Variants in NOL4 observed in about 807,000 individuals in gnomAD.
NOL4 encodes the protein nucleolar protein 4.
A neutral mutation model predicts 75.9 loss-of-function variants in NOL4; 17 were observed. The ratio of observed to expected loss-of-function variants is 0.22; its 90% CI spans 0.15 to 0.34. NOL4 has a LOEUF of 0.34. NOL4 is among the 10% of genes least tolerant of loss of function. NOL4 has a pLI of 1.00. For missense variants in NOL4, 614 were observed against 793.5 expected (o/e 0.77, Z 2.72); for synonymous variants, 292 against 289.9 (o/e 1.01, Z -0.07).
At chr18:34,055,803 TC>T (rs200453908) in intron 5 of NOL4, among the ~76,000 whole-genome samples, 1 of 152,244 alleles carries the variant, frequency 6.6e-6, no homozygotes, top group African/African-American at 2.4e-5. Flanking sequence ...TTTTCTTCAT[TC>T]CTTTTTTTTT....
chr18:33,958,139 A>AG, intron 7 of NOL4, 100 bp downstream of exon 7: 5 of 1,131,946 alleles, frequency 4.4e-6, no homozygotes, highest in Non-Finnish European at 6.3e-6. Flanking sequence ...TCTGTAAATT[A>AG]AACAAACATG....
chr18:34,118,094 AATAATTAAT>A (rs2079947689), intron 2 of NOL4, among the ~76,000 whole-genome samples: 1 of 152,236 alleles, frequency 6.6e-6, no homozygotes, highest in South Asian at 2.1e-4. Flanking sequence ...TAGAGCAAAC[AATAATTAAT>A]ATAATCACAC....
intron 5 of NOL4, among the ~76,000 whole-genome samples, chr18:34,039,687 A>G (rs1191317403): frequency 3.3e-5 from 5 of 152,050 alleles, no homozygotes; most frequent in Non-Finnish European, 7.4e-5. Flanking sequence ...CAATGAAAAC[A>G]TCAGCAAAAC....
intron 6 of NOL4, among the ~76,000 whole-genome samples, chr18:34,014,144 T>C (rs957070876): frequency 7.2e-5 from 11 of 152,080 alleles, no homozygotes; most frequent in African/African-American, 2.6e-4. Flanking sequence ...AAATTAAATA[T>C]AGCAAATATT....
At chr18:34,163,042 C>T (rs182681256) in intron 1 of NOL4, among the ~76,000 whole-genome samples, 1 of 149,952 alleles carries the variant, frequency 6.7e-6, no homozygotes, top group South Asian at 2.1e-4. Context: ...ATTCAACAAC[C>T]CTTCATGCTA....
chr18:33,996,662 T>C (rs899089838), intron 6 of NOL4, among the ~76,000 whole-genome samples: 1 of 151,998 alleles, frequency 6.6e-6, no homozygotes, highest in East Asian at 1.9e-4. Flanking sequence ...TGAGAACATA[T>C]GGTCTTCTGT....
intron 5 of NOL4, among the ~76,000 whole-genome samples, chr18:34,055,434 C>T (rs2076795876): frequency 3.9e-5 from 6 of 152,114 alleles, no homozygotes; most frequent in Admixed American, 3.9e-4. Flanking sequence ...TATTATCACA[C>T]TTCCTTTGGC....
At chr18:33,932,195 T>C (rs2067737228) in intron 9 of NOL4, among the ~76,000 whole-genome samples, 1 of 152,104 alleles carries the variant, frequency 6.6e-6, no homozygotes, top group South Asian at 2.1e-4. Context: ...AATGTATTAT[T>C]TACATTAATA....
chr18:34,144,880 C>G (rs908429089), intron 1 of NOL4, among the ~76,000 whole-genome samples: 1 of 152,060 alleles, frequency 6.6e-6, no homozygotes, highest in Non-Finnish European at 1.5e-5. Flanking sequence ...TTGGAATATG[C>G]TTTTTCTGAG....
At chr18:33,967,369 GAA>G (rs1030826677) in intron 6 of NOL4, among the ~76,000 whole-genome samples, 4 of 152,080 alleles carry the variant, frequency 2.6e-5, no homozygotes, top group Non-Finnish European at 4.4e-5. Flanking sequence ...AAAAATTCTA[GAA>G]GACAACCTAG....
At chr18:34,057,904 A>T (rs187261546) in intron 5 of NOL4, among the ~76,000 whole-genome samples, 2 of 152,322 alleles carry the variant, frequency 1.3e-5, no homozygotes, top group Admixed American at 6.5e-5. Flanking sequence ...TCATGGATTT[A>T]AAAAATGCAG....
intron 10 of NOL4, 120 bp from the exon 11 acceptor site, chr18:33,853,155 A>T: frequency 2.4e-6 from 2 of 824,362 alleles, no homozygotes; most frequent in Non-Finnish European, 3.7e-6. Flanking sequence ...GAAGCTAGTG[A>T]TCTCTTTAAT....
chr18:34,188,417 T>C (rs763063641), intron 1 of NOL4, among the ~76,000 whole-genome samples: 1 of 152,214 alleles, frequency 6.6e-6, no homozygotes, highest in African/African-American at 2.4e-5. Context: ...AGTGGGGCTA[T>C]GTCCCAATAA....
At chr18:34,187,503 C>T (rs887644184) in intron 1 of NOL4, among the ~76,000 whole-genome samples, 1 of 151,692 alleles carries the variant, frequency 6.6e-6, no homozygotes, top group Non-Finnish European at 1.5e-5. Context: ...CAGCCTCCCG[C>T]GTAGCTGGGA....
At chr18:34,141,673 A>C (rs1038804487) in intron 1 of NOL4, among the ~76,000 whole-genome samples, 4 of 152,214 alleles carry the variant, frequency 2.6e-5, no homozygotes, top group Admixed American at 1.3e-4. Context: ...ACCTTATACA[A>C]AAATTAATTC....
intron 2 of NOL4, among the ~76,000 whole-genome samples, chr18:34,122,196 C>T (rs771375686): frequency 3.3e-5 from 5 of 151,988 alleles, no homozygotes; most frequent in Non-Finnish European, 7.4e-5. Context: ...AGGACATTCC[C>T]AGGAAAATGA....
chr18:34,126,713 G>A (rs935160504), intron 2 of NOL4, among the ~76,000 whole-genome samples: 2 of 152,072 alleles, frequency 1.3e-5, no homozygotes. Context: ...CAGAATTTGA[G>A]AAAAGTTAAA....
chr18:33,932,498 A>G (rs2067765599), intron 9 of NOL4, among the ~76,000 whole-genome samples: 1 of 152,092 alleles, frequency 6.6e-6, no homozygotes, highest in Non-Finnish European at 1.5e-5. Flanking sequence ...CTGCTGTGTG[A>G]CCCAGTAATT....
intron 8 of NOL4, among the ~76,000 whole-genome samples, chr18:33,953,308 C>A (rs1406962920): frequency 6.6e-6 from 1 of 150,938 alleles, no homozygotes; most frequent in Non-Finnish European, 1.5e-5. Context: ...TATTACTTTT[C>A]TTTTCAAAAA....
Sources: gnomAD v4.1 joint callset for allele counts (sites outside exome capture counted in the v4.1 genomes callset) on GRCh38, gnomAD v4.1.1 for gene constraint, MANE v1.5 for transcripts, NCBI Gene and HGNC (gene_info 2026-07-23, HGNC 2026-07-21) for gene names.